STAU1: variants seen among roughly 807,000 people sequenced by gnomAD.
The protein encoded by STAU1 is staufen double-stranded RNA binding protein 1, also known as double-stranded RNA-binding protein Staufen homolog 1.
STAU1 carries 13 observed loss-of-function variants against 62.9 expected under a neutral mutation model. The ratio of observed to expected loss-of-function variants is 0.21; its 90% CI spans 0.13 to 0.33. STAU1 has a LOEUF of 0.33. Ranked by LOEUF, STAU1 falls within the 10% of genes least tolerant of loss-of-function variation. STAU1 has a pLI of 1.00. For missense variants in STAU1, 571 were observed against 712.1 expected, an observed-to-expected ratio of 0.80 and a Z score of 2.25; for synonymous variants, 269 against 265.1, an observed-to-expected ratio of 1.01 and a Z score of -0.14.
chr20:49,180,913 C>A (rs2093716921), intron 1 of STAU1, among the ~76,000 whole-genome samples: 1 of 152,104 alleles, frequency 6.6e-6, no homozygotes, highest in Admixed American at 6.6e-5. Context: ...CAGTGACAAG[C>A]AGAATCAATT....
chr20:49,166,137 T>C lies in STAU1; in HGVS notation c.65A>G (p.Asn22Ser). The C allele has an allele frequency of 6.2e-7, 1 of 1,614,146 alleles. No individual in the cohort carries two copies. The highest frequency in any genetic ancestry group is 1.1e-5 in the South Asian group (1 of 91,082). The change falls in exon 3 of 14, where the codon AAC (asparagine) becomes AGC (serine). Residue 22 changes from asparagine to serine, a missense_variant. Asn to Ser is a conservative substitution (Grantham distance 46). Around this residue, in one of 3 missense-constraint regions of STAU1, gnomAD observed 414 missense variants for 499.6 expected, o/e 0.83. Coordinates refer to ENST00000371856, the MANE Select transcript of STAU1 (RefSeq NM_017453.4). ...CTGTGAGAGAAGAGACTGGTTCTTGTTCAGTATTTGGCTCCCTGAGAGAGC... is the reference window on the plus strand; with the variant it reads ...CTGTGAGAGAAGAGACTGGTTCTTGCTCAGTATTTGGCTCCCTGAGAGAGC... ...SAALSGSQILNKNQSLLSQPL... is the reference protein window; with the variant it reads ...SAALSGSQILSKNQSLLSQPL...
In STAU1 at chr20:49,153,924, A is replaced by C. The variant is rs2273652; in HGVS notation, c.344+9T>G. The C allele has an allele frequency of 0.14, 220,262 of 1,530,478 alleles. 15,376 individuals are homozygous for C. The highest frequency in any genetic ancestry group is 0.18 in the East Asian group (7,902 of 43,672). The allele number at this position is 1,530,478 out of a possible 1,614,324, so 94.8% of individuals were successfully genotyped here. On this transcript the variant is annotated intron_variant, in intron 4 of 13. Transcript: ENST00000371856. ...TATTTTACAAAAAAAAAAAAAAAAA[A>C]ACACATACCTCGGGGGATAAGCACC...
chr20:49,213,535 T>C, the STAU1 span, among the ~76,000 whole-genome samples: 2 of 152,096 alleles, frequency 1.3e-5, no homozygotes, highest in Non-Finnish European at 2.9e-5. Flanking sequence ...GCCTATTTGC[T>C]TTTAATGTGG....
upstream of STAU1, among the ~76,000 whole-genome samples, chr20:49,189,134 C>T (rs527236255): frequency 7.8e-6 from 1 of 128,730 alleles, no homozygotes; most frequent in African/African-American, 2.8e-5. Context: ...ACCCGGGAGG[C>T]GGAGATTGCA....
chr20:49,185,479 T>C (rs2093775771), intron 1 of STAU1, among the ~76,000 whole-genome samples: 1 of 152,232 alleles, frequency 6.6e-6, no homozygotes, highest in Admixed American at 6.5e-5. Context: ...AGAAATCATG[T>C]ATAAACAGAG....
intron 5 of STAU1, among the ~76,000 whole-genome samples, chr20:49,137,832 ATTTTT>A (rs34370524): frequency 3.9e-5 from 5 of 128,444 alleles, no homozygotes; most frequent in Non-Finnish European, 6.5e-5. Flanking sequence ...CACCCGGCTA[ATTTTT>A]TTTTTTTTTT....
chr20:49,139,859 G>A (rs1258289730), intron 5 of STAU1, among the ~76,000 whole-genome samples: 1 of 151,994 alleles, frequency 6.6e-6, no homozygotes, highest in African/African-American at 2.4e-5. Flanking sequence ...ATGTAAAATG[G>A]TTGTACCAGA....
intron 5 of STAU1, among the ~76,000 whole-genome samples, chr20:49,139,713 C>T (rs1233456073): frequency 6.0e-5 from 9 of 149,652 alleles, no homozygotes; most frequent in East Asian, 5.9e-4. Context: ...GCAACAAGAG[C>T]GAAACTCTGT....
chr20:49,149,114 G>T lies in STAU1; in HGVS notation c.510+2468C>A, dbSNP rs145673920. 2.0e-3 allele frequency among the ~76,000 whole-genome samples: 306 copies of T among 152,244 alleles called. 1 individual carries two copies. Among genetic ancestry groups the T allele is most frequent in the African/African-American group, 7.0e-3 (291 of 41,538 alleles). On this transcript the variant is annotated intron_variant, in intron 5 of 13. Coordinates refer to ENST00000371856, the MANE Select transcript of STAU1 (RefSeq NM_017453.4). ...AAAAATACAAAAATTAGCTGGGCGT[G>T]GTGGTGAGCACCTGTAGTCCCAGCT...
At chr20:49,133,841 A>C (rs1453382173) in intron 6 of STAU1, among the ~76,000 whole-genome samples, 1 of 152,150 alleles carries the variant, frequency 6.6e-6, no homozygotes, top group African/African-American at 2.4e-5. Context: ...TGGCAACTAC[A>C]ATCCCACCTC....
At chr20:49,210,151 G>A in the STAU1 span, among the ~76,000 whole-genome samples, 2 of 152,096 alleles carry the variant, frequency 1.3e-5, no homozygotes, top group African/African-American at 2.4e-5. Context: ...CTGACCAGTT[G>A]GGCAGCTGTG....
the STAU1 span, among the ~76,000 whole-genome samples, chr20:49,216,192 C>A: frequency 7.3e-5 from 11 of 151,390 alleles, no homozygotes; most frequent in Non-Finnish European, 1.5e-5. Flanking sequence ...GAGTTCCAGT[C>A]CAGTGTGGGC....
chr20:49,118,551 T>C, intron 9 of STAU1, 143 bp from the exon 10 acceptor site: 3 of 654,434 alleles, frequency 4.6e-6, no homozygotes, highest in Non-Finnish European at 7.8e-6. Context: ...ACCTGACCAC[T>C]GGCACCCTGA....
chr20:49,155,170 T>C (rs1439078788), intron 3 of STAU1, among the ~76,000 whole-genome samples: 2 of 152,076 alleles, frequency 1.3e-5, no homozygotes, highest in Non-Finnish European at 2.9e-5. Context: ...TACAACATGA[T>C]GTGCAACTTA....
chr20:49,170,180 C>G (rs541635593), intron 2 of STAU1, among the ~76,000 whole-genome samples: 1 of 152,048 alleles, frequency 6.6e-6, no homozygotes, highest in Non-Finnish European at 1.5e-5. Context: ...GAGCACAGTC[C>G]GAGTGATTTA....
chr20:49,128,960 T>C (rs1331887107), intron 6 of STAU1, among the ~76,000 whole-genome samples: 2 of 152,002 alleles, frequency 1.3e-5, no homozygotes, highest in Admixed American at 6.6e-5. Flanking sequence ...TTTAACAAAC[T>C]ACACCTCACC....
intron 5 of STAU1, among the ~76,000 whole-genome samples, chr20:49,148,015 A>C (rs758313484): frequency 6.6e-6 from 1 of 152,206 alleles, no homozygotes; most frequent in South Asian, 2.1e-4. Flanking sequence ...TTTGAATTTA[A>C]AATTTTTTAT....
At chr20:49,186,343 CAA>C (rs113184195) in intron 1 of STAU1, among the ~76,000 whole-genome samples, 7 of 97,718 alleles carry the variant, frequency 7.2e-5, no homozygotes, top group Admixed American at 1.1e-4. Flanking sequence ...GAGACTGTCT[CAA>C]AAAAAAAAAA....
At chr20:49,214,681 G>A in the STAU1 span, among the ~76,000 whole-genome samples, 1 of 152,134 alleles carries the variant, frequency 6.6e-6, no homozygotes, top group Admixed American at 6.6e-5. Flanking sequence ...TGTCCAATGG[G>A]AATAGCTCAT....
Sources: allele counts gnomAD v4.1 joint callset (sites outside exome capture counted in the v4.1 genomes callset), GRCh38; gene constraint gnomAD v4.1.1; regional missense constraint gnomAD v4.1.1; transcripts MANE v1.5; gene names NCBI Gene and HGNC (gene_info 2026-07-23, HGNC 2026-07-21).